Variants in ASPRV1 observed in about 807,000 individuals in gnomAD.
ASPRV1 encodes aspartic peptidase retroviral like 1.
In ASPRV1, 7 loss-of-function variants were observed where a neutral mutation model predicts 11.0. The observed-to-expected ratio is 0.64, with a 90% CI of 0.36 to 1.20. The LOEUF (loss-of-function observed/expected upper bound fraction) is 1.20. Among genes scored for constraint, ASPRV1 ranks in the 50% most tolerant of loss-of-function variants. The pLI, the probability that ASPRV1 is intolerant of heterozygous loss-of-function variation, is 0.02. For synonymous variants in ASPRV1, 136 were observed against 138.4 expected (o/e 0.98, Z 0.12); for missense variants, 299 against 320.0 (o/e 0.93, Z 0.50).
the ASPRV1 span, among the ~76,000 whole-genome samples, chr2:70,042,419 C>A: frequency 6.6e-6 from 1 of 152,058 alleles, no homozygotes; most frequent in African/African-American, 2.4e-5. Flanking sequence ...GATAAGTGAC[C>A]TGGCCAGGGA....
the ASPRV1 span, among the ~76,000 whole-genome samples, chr2:69,943,690 C>G: frequency 5.9e-5 from 9 of 152,178 alleles, no homozygotes; most frequent in Non-Finnish European, 1.3e-4. Context: ...TATCAGGCTC[C>G]GTCCTAGAGG....
chr2:70,028,326 G>A, the ASPRV1 span: 2 of 152,108 alleles, frequency 1.3e-5, no homozygotes, highest in Non-Finnish European at 2.9e-5. Flanking sequence ...ATTCATTTCA[G>A]GTCTCTCTCC....
At chr2:70,002,494 A>C in the ASPRV1 span, among the ~76,000 whole-genome samples, 1 of 152,202 alleles carries the variant, frequency 6.6e-6, no homozygotes, top group Non-Finnish European at 1.5e-5. Context: ...GAAAGAGCTC[A>C]GTTCTAGGCC....
the ASPRV1 span, chr2:70,083,434 G>C: frequency 2.6e-5 from 4 of 152,204 alleles, no homozygotes; most frequent in African/African-American, 7.2e-5. Flanking sequence ...TAACATAAGA[G>C]GAAGCAACAA....
At chr2:70,014,293 A>G in the ASPRV1 span, among the ~76,000 whole-genome samples, 3 of 152,208 alleles carry the variant, frequency 2.0e-5, no homozygotes, top group Admixed American at 6.5e-5. Context: ...TTGAGGATAC[A>G]TAGAGAAATT....
the ASPRV1 span, among the ~76,000 whole-genome samples, chr2:70,036,946 C>A: frequency 6.6e-6 from 1 of 152,266 alleles, no homozygotes; most frequent in South Asian, 2.1e-4. Flanking sequence ...CCTCTCCAGT[C>A]TCTCTCAAGG....
chr2:69,998,595 G>C, the ASPRV1 span, among the ~76,000 whole-genome samples: 2 of 152,122 alleles, frequency 1.3e-5, no homozygotes, highest in African/African-American at 4.8e-5. Flanking sequence ...CGGGCACGGT[G>C]GTGGGCGCCT....
chr2:69,936,965 A>AG, the ASPRV1 span: 51,112 of 576,226 alleles, frequency 0.089, 2,715 homozygotes, highest in Non-Finnish European at 0.11. Context: ...ACTAAAACTG[A>AG]GGGCTACCAG....
At chr2:69,934,957 C>T in the ASPRV1 span, among the ~76,000 whole-genome samples, 9 of 152,078 alleles carry the variant, frequency 5.9e-5, no homozygotes, top group Non-Finnish European at 8.8e-5. Flanking sequence ...AGAAGCCCAT[C>T]ATAAATAAAA....
the ASPRV1 span, chr2:70,085,584 T>A: frequency 2.0e-5 from 3 of 152,260 alleles, no homozygotes; most frequent in Non-Finnish European, 4.4e-5. Flanking sequence ...CGACATTGTG[T>A]GACCTTGAAT....
the ASPRV1 span, chr2:69,971,389 T>C: frequency 8.6e-5 from 13 of 152,020 alleles, no homozygotes; most frequent in Admixed American, 7.9e-4. Flanking sequence ...CACCCACCAT[T>C]TGGAAAACTG....
chr2:70,038,260 A>C, the ASPRV1 span, among the ~76,000 whole-genome samples: 1 of 152,232 alleles, frequency 6.6e-6, no homozygotes, highest in African/African-American at 2.4e-5. Flanking sequence ...AAAGAAATGC[A>C]TGAAGGCTGG....
At chr2:70,061,370 G>A in the ASPRV1 span, among the ~76,000 whole-genome samples, 1 of 151,190 alleles carries the variant, frequency 6.6e-6, no homozygotes, top group Non-Finnish European at 1.5e-5. Context: ...ACTCCAGCCT[G>A]GGTGATAGAG....
the ASPRV1 span, among the ~76,000 whole-genome samples, chr2:69,933,312 AATAAC>A: frequency 2.0e-5 from 3 of 152,038 alleles, no homozygotes; most frequent in African/African-American, 7.2e-5. Flanking sequence ...TAGTGTTTCT[AATAAC>A]ATGATCTATT....
At chr2:69,983,651 C>T in the ASPRV1 span, among the ~76,000 whole-genome samples, 2 of 152,172 alleles carry the variant, frequency 1.3e-5, no homozygotes, top group African/African-American at 4.8e-5. Flanking sequence ...GCAGTAATTA[C>T]ACAGTTCTGT....
At chr2:70,004,972 G>A in the ASPRV1 span, among the ~76,000 whole-genome samples, 1 of 152,176 alleles carries the variant, frequency 6.6e-6, no homozygotes, top group Non-Finnish European at 1.5e-5. Context: ...GCAAATAGCT[G>A]TTAAATGAAT....
chr2:70,076,217 A>G, the ASPRV1 span, among the ~76,000 whole-genome samples: 1 of 152,202 alleles, frequency 6.6e-6, no homozygotes. Context: ...GACAAGATGC[A>G]GTTTTTGCCC....
the ASPRV1 span, chr2:70,030,283 G>A: frequency 6.6e-6 from 1 of 152,356 alleles, no homozygotes; most frequent in Admixed American, 6.5e-5. Context: ...CTGCTGGTGG[G>A]GTGGTGTGCT....
At chr2:69,955,388 G>C (rs1677914768), downstream of ASPRV1, among the ~76,000 whole-genome samples, 1 of 152,216 alleles carries the variant, frequency 6.6e-6, no homozygotes, top group African/African-American at 2.4e-5. Flanking sequence ...ACACCTGGGA[G>C]ACCTCCACTC....
Sources: gnomAD v4.1 joint callset for allele counts (sites outside exome capture counted in the v4.1 genomes callset) on GRCh38, gnomAD v4.1.1 for gene constraint, MANE v1.5 for transcripts, NCBI Gene and HGNC (gene_info 2026-07-23, HGNC 2026-07-21) for gene names.